TTLL11: variants seen among roughly 807,000 people sequenced by gnomAD.
TTLL11 encodes the protein tubulin tyrosine ligase like 11, also known as tubulin polyglutamylase TTLL11.
In TTLL11, 42 loss-of-function variants were observed where a neutral mutation model predicts 51.7. The ratio of observed to expected loss-of-function variants is 0.81; its 90% CI spans 0.64 to 1.05. The LOEUF (loss-of-function observed/expected upper bound fraction) is 1.05, where lower values mean the gene tolerates loss of function less well. Ranked by LOEUF, TTLL11 falls within the 50% of genes least tolerant of loss-of-function variation. The pLI is 0.00. For missense variants in TTLL11, 799 were observed against 940.4 expected (o/e 0.85, Z 1.97); for synonymous variants, 381 against 383.5 (o/e 0.99, Z 0.08).
At chr9:121,889,912 G>C (rs1359903001) in intron 6 of TTLL11, among the ~76,000 whole-genome samples, 6 of 151,798 alleles carry the variant, frequency 4.0e-5, no homozygotes, top group Non-Finnish European at 8.8e-5. Context: ...GCGGGGCGGG[G>C]GGGGAGGTGA....
At chr9:122,030,053 G>A (rs1292176163) in intron 3 of TTLL11, among the ~76,000 whole-genome samples, 1 of 152,098 alleles carries the variant, frequency 6.6e-6, no homozygotes, top group African/African-American at 2.4e-5. Context: ...ACTCTATGGT[G>A]TTGGCACAAT....
chr9:122,006,674 T>C (rs768352539), intron 3 of TTLL11, among the ~76,000 whole-genome samples: 1 of 152,174 alleles, frequency 6.6e-6, no homozygotes, highest in Non-Finnish European at 1.5e-5. Flanking sequence ...TATTGAATTG[T>C]ATAGCATTTC....
At chr9:121,844,914 C>T (rs1837472817) in intron 8 of TTLL11, among the ~76,000 whole-genome samples, 2 of 151,852 alleles carry the variant, frequency 1.3e-5, no homozygotes, top group African/African-American at 4.8e-5. Flanking sequence ...ATGAGAATAT[C>T]GGAAGGAGAA....
chr9:121,939,076 A>AT (rs1841346706), intron 6 of TTLL11, among the ~76,000 whole-genome samples: 1 of 152,356 alleles, frequency 6.6e-6, no homozygotes, highest in African/African-American at 2.4e-5. Context: ...AGAGACACGT[A>AT]TAAGGACATT....
intron 1 of TTLL11, among the ~76,000 whole-genome samples, chr9:122,060,962 C>A (rs1427704324): frequency 6.6e-6 from 1 of 152,194 alleles, no homozygotes; most frequent in East Asian, 1.9e-4. Flanking sequence ...GAAATTTATT[C>A]TCTCACAGCT....
At chr9:121,976,774 CCTCA>C (rs1471688628) in intron 4 of TTLL11, among the ~76,000 whole-genome samples, 2 of 152,120 alleles carry the variant, frequency 1.3e-5, no homozygotes, top group African/African-American at 4.8e-5. Context: ...GAAAAGTCAT[CCTCA>C]CTCTATTTTT....
At chr9:121,924,768 T>C (rs1840663852) in intron 6 of TTLL11, among the ~76,000 whole-genome samples, 1 of 151,762 alleles carries the variant, frequency 6.6e-6, no homozygotes, top group Non-Finnish European at 1.5e-5. Flanking sequence ...AGCACTTTTT[T>C]TTTTTTTTTT....
At chr9:121,943,831 A>G (rs890618810) in intron 6 of TTLL11, among the ~76,000 whole-genome samples, 1 of 152,252 alleles carries the variant, frequency 6.6e-6, no homozygotes, top group Non-Finnish European at 1.5e-5. Flanking sequence ...TAGACCATGT[A>G]GGTTAGCCTT....
chr9:121,953,258 C>T (rs988641374), intron 6 of TTLL11, among the ~76,000 whole-genome samples: 2 of 152,090 alleles, frequency 1.3e-5, no homozygotes, highest in African/African-American at 2.4e-5. Flanking sequence ...GAAGAAGAAG[C>T]CATGCTCCAC....
intron 1 of TTLL11, among the ~76,000 whole-genome samples, chr9:122,054,265 A>G (rs1262198644): frequency 6.6e-6 from 1 of 152,106 alleles, no homozygotes; most frequent in African/African-American, 2.4e-5. Context: ...CAAAATTGTT[A>G]CCAAACAATT....
At chr9:122,020,613 GTTCCCACCC>G (rs1248705301) in intron 3 of TTLL11, among the ~76,000 whole-genome samples, 8 of 152,226 alleles carry the variant, frequency 5.3e-5, no homozygotes, top group African/African-American at 1.9e-4. Context: ...ATATGCTTGT[GTTCCCACCC>G]CACCTCTGCA....
intron 6 of TTLL11, among the ~76,000 whole-genome samples, chr9:121,894,495 C>A (rs1839381259): frequency 6.6e-6 from 1 of 152,140 alleles, no homozygotes; most frequent in African/African-American, 2.4e-5. Context: ...TTGGAACCAA[C>A]CCAAATTCCC....
chr9:122,053,146 T>C (rs1323473681), intron 1 of TTLL11, among the ~76,000 whole-genome samples: 1 of 152,138 alleles, frequency 6.6e-6, no homozygotes, highest in African/African-American at 2.4e-5. Flanking sequence ...CCATCAAGCA[T>C]GGCTCTGGTC....
rs1287306572 is a variant in TTLL11 at position 121,995,916 on chromosome 9, G to T, written c.694-6146C>A. ...GAACAGACCTCTCAAGCTCCGTGGTGAGCGCGGGAACCACGGGCCCGTGAG... is the reference window on the plus strand; with the variant it reads ...GAACAGACCTCTCAAGCTCCGTGGTTAGCGCGGGAACCACGGGCCCGTGAG... On this transcript the variant is annotated intron_variant, in intron 3 of 8. Transcript: ENST00000321582. The surrounding 1 kb of genome is among the most constrained non-coding windows in gnomAD (Gnocchi z 4.4). 3.9e-5 allele frequency among the ~76,000 whole-genome samples: 6 copies of T among 152,190 alleles called. No homozygotes were observed. Among genetic ancestry groups the T allele is most frequent in the Non-Finnish European group, 7.4e-5 (5 of 68,026 alleles).
chr9:121,827,968 C>T (rs1162519349), intron 8 of TTLL11, among the ~76,000 whole-genome samples: 4 of 152,276 alleles, frequency 2.6e-5, no homozygotes, highest in African/African-American at 9.6e-5. Context: ...CAATGGTTGA[C>T]GTTCTGCCAG....
intron 6 of TTLL11, among the ~76,000 whole-genome samples, chr9:121,893,796 T>C (rs1476332945): frequency 6.6e-6 from 1 of 152,214 alleles, no homozygotes; most frequent in Non-Finnish European, 1.5e-5. Context: ...AGCTTAAGCT[T>C]AGATGGAGAC....
At chr9:121,876,635 G>T (rs1431967247) in intron 6 of TTLL11, among the ~76,000 whole-genome samples, 2 of 152,092 alleles carry the variant, frequency 1.3e-5, no homozygotes, top group East Asian at 3.8e-4. Flanking sequence ...GGAATGGCAA[G>T]ATTAAAACCA....
chr9:121,870,427 C>T lies in TTLL11; in HGVS notation c.1733+70G>A, dbSNP rs994137992. On this transcript the variant is annotated intron_variant, in intron 7 of 8. Coordinates refer to ENST00000321582, the MANE Select transcript of TTLL11 (RefSeq NM_001139442.2). ...TCTCCCGAGCGCAGTCAGGGAGACC[C>T]GCCAGCCAGATGTGAGACTGGACTC... 1.8e-5 allele frequency: 27 copies of T among 1,497,200 alleles called. No individual in the cohort carries two copies. The East Asian group carries it at 4.2e-4, about 23-fold the overall frequency. 92.7% of individuals were successfully genotyped at this position (1,497,200 alleles called of 1,614,324 possible). A position where few individuals can be genotyped will look rare whatever the true frequency, so the allele number is the denominator to read the frequency against.
intron 2 of TTLL11, among the ~76,000 whole-genome samples, chr9:122,034,731 G>T (rs930198728): frequency 6.6e-6 from 1 of 152,198 alleles, no homozygotes; most frequent in South Asian, 2.1e-4. Context: ...AGCGTAGCAG[G>T]GTTTCTAGCT....
Sources: allele counts gnomAD v4.1 joint callset (sites outside exome capture counted in the v4.1 genomes callset), GRCh38; gene constraint gnomAD v4.1.1; non-coding constraint Gnocchi (gnomAD v3.1); transcripts MANE v1.5; gene names NCBI Gene and HGNC (gene_info 2026-07-23, HGNC 2026-07-21).